LRP1B: variants seen among roughly 807,000 people sequenced by gnomAD.
LRP1B encodes the protein LDL receptor related protein 1B, also known as low-density lipoprotein receptor-related protein 1B.
LRP1B carries 217 observed loss-of-function variants against 556.6 expected under a neutral mutation model. The ratio of observed to expected loss-of-function variants is 0.39; its 90% CI spans 0.35 to 0.44. LRP1B has a LOEUF of 0.44. LRP1B is among the 20% of genes least tolerant of loss of function. The pLI is 1.00. For missense variants in LRP1B, 5,053 were observed against 5,620.8 expected (o/e 0.90, Z 3.23); for synonymous variants, 2,047 against 1,865.8 (o/e 1.10, Z -2.50).
At chr2:141,887,283 C>A (rs10182159) in intron 1 of LRP1B, among the ~76,000 whole-genome samples, 130,236 of 152,190 alleles carry the variant, frequency 0.86, 55,834 homozygotes, top group East Asian at 1. Flanking sequence ...GGCATGTGCC[C>A]CCGTGCCCAG....
At chr2:142,098,673 C>T (rs1223107110) in intron 1 of LRP1B, among the ~76,000 whole-genome samples, 1 of 151,670 alleles carries the variant, frequency 6.6e-6, no homozygotes, top group African/African-American at 2.4e-5. Context: ...AATGAAATTG[C>T]TCTTTACATT....
intron 3 of LRP1B, among the ~76,000 whole-genome samples, chr2:141,438,422 G>A (rs1168974261): frequency 6.6e-6 from 1 of 152,012 alleles, no homozygotes; most frequent in African/African-American, 2.4e-5. Context: ...CCATTTATCC[G>A]CAGATCCATG....
At chr2:140,546,114 AT>A (rs983938934) in intron 43 of LRP1B, among the ~76,000 whole-genome samples, 3 of 151,274 alleles carry the variant, frequency 2.0e-5, no homozygotes, top group African/African-American at 7.3e-5. Context: ...AATCCTGGTA[AT>A]TTGTGTACAT....
chr2:140,919,765 C>T (rs1310992544), intron 21 of LRP1B, among the ~76,000 whole-genome samples: 2 of 152,034 alleles, frequency 1.3e-5, no homozygotes, highest in Non-Finnish European at 2.9e-5. Flanking sequence ...TTTATCATCA[C>T]TTCTGTGTGT....
chr2:141,021,087 T>A (rs1698051806), intron 11 of LRP1B, among the ~76,000 whole-genome samples: 1 of 152,018 alleles, frequency 6.6e-6, no homozygotes, highest in African/African-American at 2.4e-5. Context: ...AGACTTCCTC[T>A]TTTCCTTTTT....
At chr2:142,121,031 C>T (rs781304975) in intron 1 of LRP1B, among the ~76,000 whole-genome samples, 1 of 152,120 alleles carries the variant, frequency 6.6e-6, no homozygotes, top group Non-Finnish European at 1.5e-5. Flanking sequence ...AGAATATTAA[C>T]CCTTTCCCCC....
At chr2:142,043,463 T>C (rs1704133153) in intron 1 of LRP1B, among the ~76,000 whole-genome samples, 1 of 151,316 alleles carries the variant, frequency 6.6e-6, no homozygotes, top group Admixed American at 6.6e-5. Flanking sequence ...AAAGCATCCC[T>C]TTTTTTTAGG....
At chr2:140,354,366 A>G (rs567273627) in intron 75 of LRP1B, among the ~76,000 whole-genome samples, 1 of 152,220 alleles carries the variant, frequency 6.6e-6, no homozygotes, top group Non-Finnish European at 1.5e-5. Context: ...CTTTACTGTG[A>G]TACTTTGCCT....
chr2:141,916,900 T>C (rs750565083), intron 1 of LRP1B, among the ~76,000 whole-genome samples: 1 of 152,034 alleles, frequency 6.6e-6, no homozygotes, highest in Non-Finnish European at 1.5e-5. Context: ...AACCTACACA[T>C]GTAATCCTGA....
chr2:141,273,536 A>T (rs2105372968), intron 3 of LRP1B, among the ~76,000 whole-genome samples: 1 of 152,320 alleles, frequency 6.6e-6, no homozygotes, highest in Middle Eastern at 3.4e-3. Flanking sequence ...CATGCAAAAA[A>T]AATAAAGTTG....
chr2:141,850,387 T>A (rs1697806567), intron 1 of LRP1B, among the ~76,000 whole-genome samples: 1 of 151,702 alleles, frequency 6.6e-6, no homozygotes, highest in Non-Finnish European at 1.5e-5. Context: ...TAGTATTCTT[T>A]AGAGATTTTA....
intron 1 of LRP1B, among the ~76,000 whole-genome samples, chr2:142,106,861 G>T (rs1706763593): frequency 6.6e-6 from 1 of 152,020 alleles, no homozygotes; most frequent in Non-Finnish European, 1.5e-5. Flanking sequence ...AAAAATTAAT[G>T]ACATTTTTAT....
chr2:141,640,345 T>C (rs928790888), intron 2 of LRP1B, among the ~76,000 whole-genome samples: 5 of 152,208 alleles, frequency 3.3e-5, no homozygotes, highest in Admixed American at 2.6e-4. Context: ...AATACCCTGA[T>C]GGGTAAAAAA....
Position 141,229,674 on chromosome 2 carries a change from G to T in LRP1B, c.593-234C>A, listed in dbSNP as rs1382776537. Among the ~76,000 whole-genome samples, 3 of 152,070 alleles carry T rather than the reference G, an allele frequency of 2.0e-5. No homozygotes were observed. In the East Asian group the frequency reaches 5.8e-4, roughly 29 times the overall value. ...CTTATTTCCTTAGTCATAATGTGTT[G>T]TCTAAATGTGAGGACATGTCATTTA... On this transcript the variant is annotated intron_variant, in intron 5 of 90. Transcript: ENST00000389484.
chr2:140,236,251 AT>A (rs1239231047), intron 89 of LRP1B, among the ~76,000 whole-genome samples: 1 of 150,950 alleles, frequency 6.6e-6, no homozygotes, highest in African/African-American at 2.4e-5. Context: ...GTGGGATCCT[AT>A]TCAGATTCTT....
chr2:140,801,232 G>A (rs1484406694), intron 32 of LRP1B, among the ~76,000 whole-genome samples: 1 of 152,130 alleles, frequency 6.6e-6, no homozygotes, highest in Non-Finnish European at 1.5e-5. Context: ...ATACTCCACT[G>A]TATTAGGAAA....
intron 21 of LRP1B, among the ~76,000 whole-genome samples, chr2:140,909,842 A>G (rs933967289): frequency 2.0e-5 from 3 of 151,094 alleles, no homozygotes; most frequent in Non-Finnish European, 4.4e-5. Flanking sequence ...ACTAGAAGAA[A>G]AGGCCAATTA....
intron 43 of LRP1B, among the ~76,000 whole-genome samples, chr2:140,572,008 T>A (rs1476862013): frequency 6.6e-6 from 1 of 151,670 alleles, no homozygotes; most frequent in Non-Finnish European, 1.5e-5. Flanking sequence ...GATTAAAGAC[T>A]TAAATGTAAA....
chr2:141,945,433 T>C (rs988307514), intron 1 of LRP1B, among the ~76,000 whole-genome samples: 2 of 152,044 alleles, frequency 1.3e-5, no homozygotes, highest in African/African-American at 4.8e-5. Context: ...ACTTTACCTC[T>C]CTTAAGATAT....
Sources: allele counts gnomAD v4.1 joint callset (sites outside exome capture counted in the v4.1 genomes callset), GRCh38; gene constraint gnomAD v4.1.1; transcripts MANE v1.5; gene names NCBI Gene and HGNC (gene_info 2026-07-23, HGNC 2026-07-21).